FREM1: variants seen among roughly 807,000 people sequenced by gnomAD.
FREM1 encodes FRAS1 related extracellular matrix 1.
A neutral mutation model predicts 210.1 loss-of-function variants in FREM1; 220 were observed. That is an observed-to-expected ratio of 1.05 (90% CI 0.94 to 1.17). The LOEUF is 1.17. FREM1 is among the 50% of genes most tolerant of loss of function. The pLI, the probability that FREM1 is intolerant of heterozygous loss-of-function variation, is 0.00. For missense variants in FREM1, 3,454 were observed against 2,675.5 expected (o/e 1.29, Z -6.42); for synonymous variants, 1,189 against 980.2 (o/e 1.21, Z -3.98).
chr9:14,743,127 C>T (rs570796725), intron 35 of FREM1, among the ~76,000 whole-genome samples: 1 of 151,962 alleles, frequency 6.6e-6, no homozygotes, highest in Non-Finnish European at 1.5e-5. Flanking sequence ...TACAGTCAGG[C>T]TAATATAAAA....
intron 10 of FREM1, among the ~76,000 whole-genome samples, chr9:14,825,547 G>GTGTGTGTGTGTGTATGTATATATATA: frequency 1.3e-5 from 1 of 75,932 alleles, no homozygotes; most frequent in Admixed American, 1.5e-4. Context: ...GTGTGTGTGT[G>GTGTGTGTGTGTGTATGTATATATATA]TATATATATA....
chr9:14,863,607 G>C (rs925424849), intron 3 of FREM1, among the ~76,000 whole-genome samples: 8 of 152,094 alleles, frequency 5.3e-5, no homozygotes, highest in Non-Finnish European at 1.2e-4. Flanking sequence ...AAGAATCCTA[G>C]GGAAGATGAC....
At chr9:14,880,028 T>A (rs2132116585) in intron 1 of FREM1, among the ~76,000 whole-genome samples, 1 of 152,054 alleles carries the variant, frequency 6.6e-6, no homozygotes, top group Non-Finnish European at 1.5e-5. Context: ...AGGCGTTAGG[T>A]TTACATAAGG....
chr9:14,816,713 G>C, intron 15 of FREM1, 65 bp downstream of exon 15: 1 of 742,746 alleles, frequency 1.3e-6, no homozygotes, highest in Non-Finnish European at 1.9e-6. Flanking sequence ...CCAGTCTGTA[G>C]TATTGTGTTA....
In FREM1 at chr9:14,760,608, A is replaced by G. The variant is rs374412106; in HGVS notation, c.5205-707T>C. 5.9e-5 allele frequency among the ~76,000 whole-genome samples: 9 copies of G among 152,274 alleles called. 1 individual carries two copies. The East Asian group carries it at 1.4e-3, about 23-fold the overall frequency. The stretch of plus-strand genomic sequence containing the variant: ...CTTCTTTAATCTTCATCTAGAGAGG[A>G]ACATTTTTTTTCAAAAACAAACAGA... On this transcript the variant is annotated intron_variant, in intron 27 of 36. Transcript: ENST00000380880.
In FREM1 at chr9:14,750,250, C is replaced by T. The variant is rs1462577458; in HGVS notation, c.5434G>A (p.Ala1812Thr). The change falls in exon 30 of 37, where the codon GCA becomes ACA. Residue 1812 changes from alanine to threonine, a missense_variant. Coordinates refer to ENST00000380880, the MANE Select transcript of FREM1 (RefSeq NM_001379081.2). ...TCCTCTAATCCGTCATAGGTAATTG[C>T]TATATTCCACATCTTAGTTGACATT... ...PGMSTKMWNI[A>T]ITYDGLEEDD... 3.1e-6 allele frequency: 5 copies of T among 1,611,780 alleles called. No homozygotes were observed. Among genetic ancestry groups the T allele is most frequent in the Admixed American group, 3.3e-5 (2 of 59,850 alleles).
chr9:14,861,360 CAT>C (rs1255611994), intron 3 of FREM1, among the ~76,000 whole-genome samples: 2 of 137,052 alleles, frequency 1.5e-5, no homozygotes, highest in African/African-American at 2.8e-5. Context: ...CATATATACA[CAT>C]ATATACACGT....
chr9:14,783,174 A>G (rs1466890663), intron 24 of FREM1, among the ~76,000 whole-genome samples: 1 of 152,228 alleles, frequency 6.6e-6, no homozygotes, highest in Non-Finnish European at 1.5e-5. Context: ...TGGATTATCC[A>G]AATCAGCTTT....
chr9:14,759,381 G>A (rs1845026714), intron 28 of FREM1, among the ~76,000 whole-genome samples: 2 of 151,988 alleles, frequency 1.3e-5, no homozygotes, highest in African/African-American at 2.4e-5. Flanking sequence ...CTGGTGGCAG[G>A]TGCCTGTAAT....
intron 23 of FREM1, among the ~76,000 whole-genome samples, chr9:14,787,107 A>G (rs2132925270): frequency 6.6e-6 from 1 of 152,342 alleles, no homozygotes; most frequent in East Asian, 1.9e-4. Flanking sequence ...GCAGTTGGGA[A>G]GCTTAATGTT....
intron 10 of FREM1, among the ~76,000 whole-genome samples, chr9:14,830,891 T>C (rs922827127): frequency 2.0e-5 from 3 of 152,188 alleles, no homozygotes; most frequent in African/African-American, 7.2e-5. Context: ...AAGCTTAAAA[T>C]CTGTTCTGTC....
At chr9:14,898,968 C>T (rs959047442) in intron 1 of FREM1, among the ~76,000 whole-genome samples, 1 of 152,158 alleles carries the variant, frequency 6.6e-6, no homozygotes, top group Admixed American at 6.5e-5. Context: ...AAATTAAAGT[C>T]TACTAATTTA....
At chr9:14,752,928 G>C (rs1303708758) in intron 29 of FREM1, among the ~76,000 whole-genome samples, 3 of 152,198 alleles carry the variant, frequency 2.0e-5, no homozygotes, top group Non-Finnish European at 2.9e-5. Context: ...CAGATGGTTA[G>C]GGGTTGGAGA....
intron 2 of FREM1, among the ~76,000 whole-genome samples, chr9:14,864,265 G>C (rs1478642026): frequency 6.6e-6 from 1 of 152,182 alleles, no homozygotes; most frequent in Non-Finnish European, 1.5e-5. Flanking sequence ...CACAGCAATT[G>C]AGTTAGAGAG....
chr9:14,864,733 G>A (rs1036467786), intron 2 of FREM1, among the ~76,000 whole-genome samples: 3 of 152,266 alleles, frequency 2.0e-5, no homozygotes, highest in Non-Finnish European at 2.9e-5. Flanking sequence ...AGGTATGCAC[G>A]CATGTCCACC....
intron 1 of FREM1, among the ~76,000 whole-genome samples, chr9:14,887,617 C>A (rs769523374): frequency 1.2e-4 from 18 of 152,078 alleles, no homozygotes; most frequent in Admixed American, 1.2e-3. Flanking sequence ...TGAGAAAGAG[C>A]CTGTGACTTC....
At chr9:14,737,970 T>C (rs1194842231) in intron 36 of FREM1, among the ~76,000 whole-genome samples, 1 of 152,190 alleles carries the variant, frequency 6.6e-6, no homozygotes, top group East Asian at 1.9e-4. Flanking sequence ...TTATTATTCA[T>C]ATCATCCTAC....
chr9:14,908,029 G>A (rs1469711252), intron 1 of FREM1, among the ~76,000 whole-genome samples: 1 of 152,124 alleles, frequency 6.6e-6, no homozygotes, highest in African/African-American at 2.4e-5. Context: ...CTATCACAGA[G>A]CCTGGCATGT....
At chr9:14,782,194 A>T (rs1459903325) in intron 24 of FREM1, among the ~76,000 whole-genome samples, 4 of 152,254 alleles carry the variant, frequency 2.6e-5, no homozygotes, top group African/African-American at 9.6e-5. Context: ...TGCATTTTGT[A>T]GTTCTCTCTG....
Sources: allele counts gnomAD v4.1 joint callset (sites outside exome capture counted in the v4.1 genomes callset), GRCh38; gene constraint gnomAD v4.1.1; transcripts MANE v1.5; gene names NCBI Gene and HGNC (gene_info 2026-07-23, HGNC 2026-07-21).